SLC22A24: variants seen among roughly 807,000 people sequenced by gnomAD.
SLC22A24 encodes steroid transmembrane transporter SLC22A24.
Under a neutral mutation model 49.8 loss-of-function variants are expected in SLC22A24, and 53 were observed. The observed-to-expected ratio is 1.06, with a 90% CI of 0.85 to 1.34. The LOEUF is 1.34. Among genes scored for constraint, SLC22A24 ranks in the 40% most tolerant of loss-of-function variants. The pLI is 0.00. For synonymous variants in SLC22A24, 302 were observed against 256.4 expected (o/e 1.18, Z -1.70); for missense variants, 786 against 675.9 (o/e 1.16, Z -1.81).
intron 1 of SLC22A24, among the ~76,000 whole-genome samples, chr11:63,141,282 AG>A (rs1444657919): frequency 6.6e-6 from 1 of 152,252 alleles, no homozygotes; most frequent in Non-Finnish European, 1.5e-5. Context: ...TAATGTTAAA[AG>A]ATAATGAAAG....
intron 2 of SLC22A24, among the ~76,000 whole-genome samples, chr11:63,132,145 C>A (rs1467910841): frequency 3.3e-5 from 5 of 152,176 alleles, no homozygotes; most frequent in Admixed American, 3.3e-4. Flanking sequence ...CCTTTAAGGT[C>A]TTTTCTACAC....
At chr11:63,102,079 C>G (rs747574673) in intron 5 of SLC22A24, among the ~76,000 whole-genome samples, 1 of 151,986 alleles carries the variant, frequency 6.6e-6, no homozygotes, top group Non-Finnish European at 1.5e-5. Context: ...TTAAAAATGA[C>G]TAAAATAGAA....
At chr11:63,086,875 C>T (rs2086989704) in intron 6 of SLC22A24, among the ~76,000 whole-genome samples, 1 of 152,064 alleles carries the variant, frequency 6.6e-6, no homozygotes, top group South Asian at 2.1e-4. Context: ...ATACCTTAAA[C>T]ATACACAATA....
In SLC22A24 at chr11:63,127,004, G is replaced by T. The variant is rs145907556; in HGVS notation, c.506+7661C>A. On this transcript the variant is annotated intron_variant, in intron 2 of 9. Transcript: ENST00000612278. Reference sequence around the variant, plus strand: ...GTGATTTTTAAAAATTATACTTTAAGTTCTAGGGTACATGTGCACAATGTG... The same window carrying T: ...GTGATTTTTAAAAATTATACTTTAATTTCTAGGGTACATGTGCACAATGTG... 1.2e-3 allele frequency among the ~76,000 whole-genome samples: 185 copies of T among 152,174 alleles called. 3 individuals carry two copies. In the East Asian group the frequency reaches 0.031, roughly 25 times the overall value.
Position 63,137,768 on chromosome 11 carries a change from G to T in SLC22A24, c.403-3000C>A, listed in dbSNP as rs889610302. 2.0e-5 allele frequency: 3 copies of T among 152,242 alleles called. No individual in the cohort carries two copies. In the East Asian group the frequency reaches 5.8e-4, roughly 29 times the overall value. 9.4% of individuals were successfully genotyped at this position (152,242 alleles called of 1,614,324 possible). On this transcript the variant is annotated intron_variant, in intron 1 of 9. Coordinates refer to ENST00000612278, the MANE Select transcript of SLC22A24 (RefSeq NM_001136506.2). The stretch of plus-strand genomic sequence containing the variant: ...AAGTGTGATTTCCTCTTTTAAAGTG[G>T]CATGAACCCCACAGCTATAGCACAA...
At chr11:63,100,181 A>G (rs2087082021) in intron 5 of SLC22A24, among the ~76,000 whole-genome samples, 1 of 152,048 alleles carries the variant, frequency 6.6e-6, no homozygotes, top group Admixed American at 6.6e-5. Context: ...GAAAGCCAAC[A>G]CTCCACAAAA....
intron 4 of SLC22A24, among the ~76,000 whole-genome samples, chr11:63,108,814 C>CT (rs974871676): frequency 7.0e-5 from 10 of 143,286 alleles, no homozygotes; most frequent in East Asian, 4.1e-4. Flanking sequence ...CTATTTGATT[C>CT]TTTTTTTTTT....
chr11:63,115,124 G>A (rs1376632841), intron 4 of SLC22A24, among the ~76,000 whole-genome samples: 2 of 152,228 alleles, frequency 1.3e-5, no homozygotes, highest in African/African-American at 4.8e-5. Context: ...GTTTAAGTCT[G>A]CTGAAGTTTC....
chr11:63,125,549 G>A (rs1359456764), intron 2 of SLC22A24, among the ~76,000 whole-genome samples: 1 of 152,110 alleles, frequency 6.6e-6, no homozygotes, highest in Non-Finnish European at 1.5e-5. Flanking sequence ...TCTTAATCCA[G>A]TCTGTCATTG....
At chr11:63,112,457 G>A (rs1001847513) in intron 4 of SLC22A24, among the ~76,000 whole-genome samples, 5 of 152,090 alleles carry the variant, frequency 3.3e-5, no homozygotes, top group African/African-American at 7.2e-5. Context: ...GGGTGTTAAA[G>A]TCTCCCATTA....
At chr11:63,094,168 A>T (rs2087038257) in intron 6 of SLC22A24, among the ~76,000 whole-genome samples, 2 of 116,038 alleles carry the variant, frequency 1.7e-5, no homozygotes, top group South Asian at 6.7e-4. Flanking sequence ...CAGTCCCCAG[A>T]GTGTGATGTT....
At chr11:63,123,903 G>C (rs2087269887) in intron 2 of SLC22A24, among the ~76,000 whole-genome samples, 1 of 152,124 alleles carries the variant, frequency 6.6e-6, no homozygotes, top group Non-Finnish European at 1.5e-5. Context: ...CTACTACTCA[G>C]TGGAGGAGTA....
chr11:63,107,459 T>C (rs1267542155), intron 4 of SLC22A24, among the ~76,000 whole-genome samples: 2 of 152,164 alleles, frequency 1.3e-5, no homozygotes, highest in Non-Finnish European at 2.9e-5. Context: ...TTTTTCCCAA[T>C]TGTGTGAAGA....
At chr11:63,114,442 G>T (rs934556647) in intron 4 of SLC22A24, among the ~76,000 whole-genome samples, 1 of 152,006 alleles carries the variant, frequency 6.6e-6, no homozygotes, top group African/African-American at 2.4e-5. Context: ...TCTCTACACT[G>T]TTTAGCCATC....
At chr11:63,113,033 A>AT (rs1362282788) in intron 4 of SLC22A24, among the ~76,000 whole-genome samples, 2 of 30,724 alleles carry the variant, frequency 6.5e-5, no homozygotes, top group African/African-American at 2.8e-4. Context: ...AAAAAAAAAA[A>AT]AAATATATAT....
intron 5 of SLC22A24, among the ~76,000 whole-genome samples, chr11:63,102,238 T>C (rs1408101860): frequency 6.6e-6 from 1 of 152,102 alleles, no homozygotes; most frequent in East Asian, 1.9e-4. Flanking sequence ...GTACCCATAA[T>C]AATTAAAATC....
chr11:63,088,804 A>T (rs2087002179), intron 6 of SLC22A24, among the ~76,000 whole-genome samples: 1 of 152,076 alleles, frequency 6.6e-6, no homozygotes, highest in Non-Finnish European at 1.5e-5. Context: ...AGCCAAATTG[A>T]TCAAGCAGAA....
intron 4 of SLC22A24, among the ~76,000 whole-genome samples, chr11:63,108,919 A>G (rs1288233298): frequency 6.8e-6 from 1 of 147,416 alleles, no homozygotes; most frequent in Non-Finnish European, 1.5e-5. Flanking sequence ...ATATGTATAC[A>G]TGTGCCATGC....
At chr11:63,106,381 T>C (rs1472076225) in intron 4 of SLC22A24, among the ~76,000 whole-genome samples, 3 of 152,172 alleles carry the variant, frequency 2.0e-5, no homozygotes, top group Non-Finnish European at 4.4e-5. Flanking sequence ...TGGAGAGTGC[T>C]GCAATAAACA....
Sources: gnomAD v4.1 joint callset for allele counts (sites outside exome capture counted in the v4.1 genomes callset) on GRCh38, gnomAD v4.1.1 for gene constraint, MANE v1.5 for transcripts, NCBI Gene and HGNC (gene_info 2026-07-23, HGNC 2026-07-21) for gene names.